SRPK1: variants seen among roughly 807,000 people sequenced by gnomAD.
SRPK1 encodes SFRS protein kinase 1.
SRPK1 carries 52 observed loss-of-function variants against 89.5 expected under a neutral mutation model. The observed-to-expected ratio is 0.58, with a 90% CI of 0.46 to 0.73. The LOEUF (loss-of-function observed/expected upper bound fraction) is 0.73. SRPK1 is among the 30% of genes least tolerant of loss of function. The pLI is 0.00. For synonymous variants in SRPK1, 255 were observed against 270.2 expected, an observed-to-expected ratio of 0.94 and a Z score of 0.55; for missense variants, 603 against 780.6, an observed-to-expected ratio of 0.77 and a Z score of 2.71.
intron 2 of SRPK1, among the ~76,000 whole-genome samples, chr6:35,902,232 C>CAAAAAAAAA (rs58763282): frequency 1.7e-3 from 140 of 82,496 alleles, no homozygotes; most frequent in Non-Finnish European, 2.1e-3. Context: ...TCCGTCTCTA[C>CAAAAAAAAA]AAAAAAAAAA....
intron 13 of SRPK1, among the ~76,000 whole-genome samples, chr6:35,854,307 G>A (rs1037195583): frequency 1.3e-5 from 2 of 152,042 alleles, no homozygotes; most frequent in Admixed American, 6.6e-5. Flanking sequence ...TCAATGTAGA[G>A]GCAATCTCAA....
At chr6:35,842,693 C>A in intron 13 of SRPK1, 89 bp from the exon 14 acceptor site, 2 of 745,068 alleles carry the variant, frequency 2.7e-6, no homozygotes, top group Non-Finnish European at 2.0e-6. Flanking sequence ...TATGAAGTAA[C>A]TCTTGTTCCC....
intron 12 of SRPK1, among the ~76,000 whole-genome samples, chr6:35,861,544 C>T (rs1307499546): frequency 6.6e-6 from 1 of 152,202 alleles, no homozygotes; most frequent in African/African-American, 2.4e-5. Context: ...GTCCCTATCA[C>T]CCTGCCATGG....
At chr6:35,872,439 A>T in intron 8 of SRPK1, 124 bp downstream of exon 8, 1 of 890,262 alleles carries the variant, frequency 1.1e-6, no homozygotes, top group Non-Finnish European at 1.6e-6. Context: ...GGAAGCTGAT[A>T]ATGTTTCTTA....
chr6:35,838,243 G>A, intron 15 of SRPK1, 94 bp downstream of exon 15: 1 of 835,154 alleles, frequency 1.2e-6, no homozygotes, highest in Non-Finnish European at 1.8e-6. Flanking sequence ...TTCAAGGCAG[G>A]CCCATCATTC....
chr6:35,918,030 T>C (rs1304670397), intron 2 of SRPK1, among the ~76,000 whole-genome samples: 1 of 152,190 alleles, frequency 6.6e-6, no homozygotes, highest in Non-Finnish European at 1.5e-5. Flanking sequence ...CTTAGCAAAG[T>C]AAATGGAAGT....
At chr6:35,896,996 G>A (rs553706894) in intron 2 of SRPK1, among the ~76,000 whole-genome samples, 1 of 152,306 alleles carries the variant, frequency 6.6e-6, no homozygotes, top group Non-Finnish European at 1.5e-5. Context: ...TACATGAAAT[G>A]TCCAGAAAAG....
intron 13 of SRPK1, among the ~76,000 whole-genome samples, chr6:35,852,147 C>A (rs1469955790): frequency 6.6e-6 from 1 of 152,148 alleles, no homozygotes; most frequent in Non-Finnish European, 1.5e-5. Context: ...TCCTGGGGAA[C>A]AAATGCTTGC....
intron 2 of SRPK1, among the ~76,000 whole-genome samples, chr6:35,915,997 T>TACACACAC (rs57574093): frequency 4.9e-4 from 44 of 90,200 alleles, no homozygotes; most frequent in Admixed American, 1.9e-3. Flanking sequence ...AAAAAATATA[T>TACACACAC]ACACACACAC....
intron 7 of SRPK1, among the ~76,000 whole-genome samples, chr6:35,873,791 A>G (rs143229331): frequency 1.8e-4 from 26 of 145,436 alleles, no homozygotes; most frequent in African/African-American, 6.4e-4. Context: ...CGCCCAGCCA[A>G]TAACTTACTT....
chr6:35,889,140 G>T (rs548796246), intron 3 of SRPK1, among the ~76,000 whole-genome samples: 5 of 152,170 alleles, frequency 3.3e-5, no homozygotes, highest in South Asian at 2.1e-4. Context: ...TAAGATTAAT[G>T]ATTTAGATTG....
rs189919480 is a variant in SRPK1 at position 35,856,894 on chromosome 6, T to C, written c.1620+367A>G. The stretch of plus-strand genomic sequence containing the variant: ...TGAGGAGCTGCTGAATTGTACAAAA[T>C]GAAGCAGTTTCCAGGGGTTTCTTTG... On this transcript the variant is annotated intron_variant, in intron 13 of 15. Transcript: ENST00000373825. 1.9e-3 allele frequency: 319 copies of C among 169,928 alleles called. 3 individuals carry two copies. Among genetic ancestry groups the C allele is most frequent in the African/African-American group, 7.1e-3 (298 of 42,124 alleles). 10.5% of individuals were successfully genotyped at this position (169,928 alleles called of 1,614,324 possible). A position where few individuals can be genotyped will look rare whatever the true frequency, so the allele number is the denominator to read the frequency against.
intron 2 of SRPK1, among the ~76,000 whole-genome samples, chr6:35,911,527 C>A (rs1289705725): frequency 1.3e-5 from 2 of 151,834 alleles, no homozygotes; most frequent in Non-Finnish European, 2.9e-5. Flanking sequence ...CCAGCATGGG[C>A]AACATGGTGA....
intron 2 of SRPK1, among the ~76,000 whole-genome samples, chr6:35,909,439 T>A (rs1005714305): frequency 2.0e-5 from 3 of 152,262 alleles, no homozygotes; most frequent in African/African-American, 7.2e-5. Flanking sequence ...CTTTTGATTT[T>A]ATAGGCTTAT....
rs141029232 is a variant in SRPK1, at chr6:35,862,227, C to T, written c.1513-4859G>A. On this transcript the variant is annotated intron_variant, in intron 12 of 15. Transcript: ENST00000373825. ...CCAGTCAGAGACCCAAGAATCACACCTCCAGGACCCACTAACACTGGAATC... is the reference window on the plus strand; with the variant it reads ...CCAGTCAGAGACCCAAGAATCACACTTCCAGGACCCACTAACACTGGAATC... 1.8e-4 allele frequency among the ~76,000 whole-genome samples: 27 copies of T among 152,190 alleles called. No homozygotes were observed. The East Asian group carries it at 4.4e-3, about 25-fold the overall frequency.
At chr6:35,901,467 T>C (rs535951027) in intron 2 of SRPK1, among the ~76,000 whole-genome samples, 1 of 152,336 alleles carries the variant, frequency 6.6e-6, no homozygotes, top group South Asian at 2.1e-4. Context: ...TCAAAAGGAA[T>C]CAACCCTCTG....
intron 2 of SRPK1, among the ~76,000 whole-genome samples, chr6:35,900,757 G>T (rs1242784935): frequency 6.6e-6 from 1 of 152,200 alleles, no homozygotes; most frequent in African/African-American, 2.4e-5. Flanking sequence ...AGTTTATCTG[G>T]AATGATTCAA....
In SRPK1 at chr6:35,835,226, A is replaced by G; in HGVS notation, c.*78T>C. ...CTCTTGAAGGAAGAGCTTCACCCTG[A>G]AAAGGGAAGAGGAAAATGCTTGAAG... On this transcript the variant is annotated 3_prime_UTR_variant, in exon 16 of 16. Transcript: ENST00000373825. The G allele has an allele frequency of 7.8e-7, 1 of 1,280,198 alleles. No homozygotes were observed. The highest frequency in any genetic ancestry group is 1.6e-5 in the South Asian group (1 of 61,074). 79.3% of individuals were successfully genotyped at this position (1,280,198 alleles called of 1,614,324 possible).
chr6:35,883,169 A>C (rs997025600), intron 6 of SRPK1, among the ~76,000 whole-genome samples: 35 of 152,138 alleles, frequency 2.3e-4, no homozygotes, highest in African/African-American at 8.2e-4. Flanking sequence ...CTTCAATCCC[A>C]GCACTTTGGG....
Sources: allele counts gnomAD v4.1 joint callset (sites outside exome capture counted in the v4.1 genomes callset), GRCh38; gene constraint gnomAD v4.1.1; transcripts MANE v1.5; gene names NCBI Gene and HGNC (gene_info 2026-07-23, HGNC 2026-07-21).